C3orf49: variants seen among roughly 807,000 people sequenced by gnomAD.
C3orf49 encodes the protein chromosome 3 open reading frame 49.
A neutral mutation model predicts 13.3 loss-of-function variants in C3orf49; 27 were observed. That is an observed-to-expected ratio of 2.02 (90% CI 1.49 to 2.79). The LOEUF is 2.79. Among genes scored for constraint, C3orf49 ranks in the 30% most tolerant of loss-of-function variants. The pLI, the probability that C3orf49 is intolerant of heterozygous loss-of-function variation, is 0.00. For missense variants in C3orf49, 242 were observed against 134.2 expected, an observed-to-expected ratio of 1.80 and a Z score of -3.97; for synonymous variants, 87 against 47.6, an observed-to-expected ratio of 1.83 and a Z score of -3.40.
At chr3:63,790,167 A>G in the C3orf49 span, among the ~76,000 whole-genome samples, 1 of 152,164 alleles carries the variant, frequency 6.6e-6, no homozygotes, top group African/African-American at 2.4e-5. Context: ...GCCTCTATCC[A>G]TCAATAAGAG....
chr3:63,810,824 G>A, the C3orf49 span, among the ~76,000 whole-genome samples: 1 of 152,108 alleles, frequency 6.6e-6, no homozygotes, highest in African/African-American at 2.4e-5. Context: ...ATAATTTTCC[G>A]AGAATATCAA....
At chr3:63,784,530 G>C in the C3orf49 span, among the ~76,000 whole-genome samples, 2 of 152,164 alleles carry the variant, frequency 1.3e-5, no homozygotes, top group Admixed American at 1.3e-4. Context: ...AATGCATACA[G>C]CTGACTTTAA....
chr3:63,788,535 G>T, the C3orf49 span, among the ~76,000 whole-genome samples: 1 of 152,058 alleles, frequency 6.6e-6, no homozygotes, highest in South Asian at 2.1e-4. Flanking sequence ...GACAGGAAGG[G>T]GACAGAAGGG....
At chr3:63,827,495 C>A in intron 2 of C3orf49, 106 bp from the exon 3 acceptor site, 1 of 570,548 alleles carries the variant, frequency 1.8e-6, no homozygotes, top group South Asian at 2.5e-5. Flanking sequence ...AAAAAAGCCA[C>A]TGAAGCAGCA....
the C3orf49 span, chr3:63,782,945 G>T: frequency 6.6e-6 from 1 of 152,184 alleles, no homozygotes; most frequent in African/African-American, 2.4e-5. Flanking sequence ...GGGGATATTA[G>T]GACAGTTAGA....
At chr3:63,839,526 T>TA (rs1701711445) in intron 5 of C3orf49, 4 of 784,672 alleles carry the variant, frequency 5.1e-6, no homozygotes, top group Non-Finnish European at 6.5e-6. Flanking sequence ...AATCTACTCT[T>TA]GGTTAATTAA....
the C3orf49 span, among the ~76,000 whole-genome samples, chr3:63,784,105 A>T: frequency 6.6e-6 from 1 of 152,232 alleles, no homozygotes; most frequent in African/African-American, 2.4e-5. Flanking sequence ...AACTTCAATG[A>T]GGTCCCATTG....
chr3:63,838,246 T>A, intron 5 of C3orf49: 2 of 915,948 alleles, frequency 2.2e-6, no homozygotes, highest in Non-Finnish European at 3.2e-6. Context: ...TAACATTTAC[T>A]GTATTCTTTC....
chr3:63,831,741 C>T lies in C3orf49; in HGVS notation c.746C>T (p.Ala249Val). 1.4e-6 allele frequency: 1 copy of T among 703,098 alleles called. No individual in the cohort carries two copies. The highest frequency in any genetic ancestry group is 2.7e-5 in the East Asian group (1 of 37,266). 43.6% of individuals were successfully genotyped at this position (703,098 alleles called of 1,614,324 possible). A position where few individuals can be genotyped will look rare whatever the true frequency, so the allele number is the denominator to read the frequency against. ...KSMKLLAQRH[A>V]ELQQCEFLGD... ...ATGAAGCTACTGGCCCAAAGACATG[C>T]TGAGCTTCAACAGTGTGAGTTTCTG... Residue 249 changes from alanine (A) to valine (V), a missense_variant, in exon 5 of 7, where the codon GCT becomes GTT. Transcript: ENST00000295896.
intron 3 of C3orf49, among the ~76,000 whole-genome samples, chr3:63,828,741 T>A (rs965429792): frequency 6.6e-6 from 1 of 152,336 alleles, no homozygotes; most frequent in African/African-American, 2.4e-5. Context: ...TCAACTCAGA[T>A]AATCCTTACA....
upstream of C3orf49, among the ~76,000 whole-genome samples, chr3:63,817,195 T>A (rs537083123): frequency 3.0e-4 from 46 of 152,236 alleles, no homozygotes; most frequent in Middle Eastern, 3.4e-3. Context: ...CGTTCAGCAT[T>A]CAGGACCAAT....
At chr3:63,841,688 T>C (rs1701764453) in intron 5 of C3orf49, among the ~76,000 whole-genome samples, 2 of 152,222 alleles carry the variant, frequency 1.3e-5, no homozygotes, top group African/African-American at 4.8e-5. Flanking sequence ...ATTTTAAAAA[T>C]ACAAACTAAT....
upstream of C3orf49, among the ~76,000 whole-genome samples, chr3:63,816,517 T>C (rs138626276): frequency 2.5e-4 from 38 of 151,698 alleles, no homozygotes; most frequent in Middle Eastern, 3.4e-3. Context: ...ACCCAGAAGG[T>C]AGAGGTTGCA....
At chr3:63,785,134 G>A in the C3orf49 span, among the ~76,000 whole-genome samples, 84 of 139,706 alleles carry the variant, frequency 6.0e-4, no homozygotes, top group African/African-American at 1.2e-3. Context: ...GTGCAGTGGC[G>A]TGATCTCGGC....
At chr3:63,787,569 G>A in the C3orf49 span, among the ~76,000 whole-genome samples, 1 of 152,012 alleles carries the variant, frequency 6.6e-6, no homozygotes, top group Non-Finnish European at 1.5e-5. Context: ...ACACTGATAT[G>A]AACAACTCCC....
chr3:63,791,572 T>G, the C3orf49 span, among the ~76,000 whole-genome samples: 2 of 152,188 alleles, frequency 1.3e-5, no homozygotes, highest in Admixed American at 1.3e-4. Flanking sequence ...TAAAAAATAC[T>G]GATGCCTGGG....
chr3:63,793,258 A>T, the C3orf49 span, among the ~76,000 whole-genome samples: 1 of 152,186 alleles, frequency 6.6e-6, no homozygotes, highest in African/African-American at 2.4e-5. Flanking sequence ...ACCTTTAAGC[A>T]ACCACCAGGA....
the C3orf49 span, among the ~76,000 whole-genome samples, chr3:63,794,169 A>G: frequency 6.7e-6 from 1 of 149,108 alleles, no homozygotes; most frequent in African/African-American, 2.5e-5. Flanking sequence ...ACCTACACAC[A>G]CATACACACA....
At chr3:63,796,653 G>A in the C3orf49 span, among the ~76,000 whole-genome samples, 1 of 152,066 alleles carries the variant, frequency 6.6e-6, no homozygotes, top group African/African-American at 2.4e-5. Flanking sequence ...AGATAGTGTG[G>A]GTATCTTATA....
Sources: allele counts gnomAD v4.1 joint callset (sites outside exome capture counted in the v4.1 genomes callset), GRCh38; gene constraint gnomAD v4.1.1; transcripts MANE v1.5; gene names NCBI Gene and HGNC (gene_info 2026-07-23, HGNC 2026-07-21).